EFR3B: variants seen among roughly 807,000 people sequenced by gnomAD.
The protein encoded by EFR3B is EFR3 homolog B, also known as protein EFR3 homolog B.
In EFR3B, 64 loss-of-function variants were observed where a neutral mutation model predicts 104.7. The ratio of observed to expected loss-of-function variants is 0.61; its 90% CI spans 0.50 to 0.75. EFR3B has a LOEUF of 0.75. Ranked by LOEUF, EFR3B falls within the 30% of genes least tolerant of loss-of-function variation. The pLI, the probability that EFR3B is intolerant of heterozygous loss-of-function variation, is 0.00. For missense variants in EFR3B, 750 were observed against 1,078.5 expected, an observed-to-expected ratio of 0.70 and a Z score of 4.27; for synonymous variants, 385 against 417.9, an observed-to-expected ratio of 0.92 and a Z score of 0.96.
At chr2:25,148,254 C>A (rs1670881968) in intron 19 of EFR3B, among the ~76,000 whole-genome samples, 1 of 149,634 alleles carries the variant, frequency 6.7e-6, no homozygotes, top group Non-Finnish European at 1.5e-5. Context: ...CCGGTCACTT[C>A]TTTTTTTAAA....
intron 1 of EFR3B, chr2:25,081,744 A>G: frequency 2.3e-6 from 1 of 442,930 alleles, no homozygotes; most frequent in Non-Finnish European, 4.0e-6. Flanking sequence ...GGCCCCTGGA[A>G]TTTTTTTAGA....
intron 4 of EFR3B, chr2:25,116,031 G>C (rs1479125384): frequency 6.6e-6 from 1 of 152,322 alleles, no homozygotes; most frequent in East Asian, 1.9e-4. Flanking sequence ...GTGTTTTCCT[G>C]ATCAAGTGGG....
chr2:25,081,145 A>G (rs555334055), intron 1 of EFR3B: 2 of 705,384 alleles, frequency 2.8e-6, no homozygotes, highest in South Asian at 3.1e-5. Context: ...GCTTGATTGC[A>G]TATTCCACCC....
At chr2:25,047,123 AATATT>A (rs1357934817) in intron 1 of EFR3B, among the ~76,000 whole-genome samples, 1 of 152,230 alleles carries the variant, frequency 6.6e-6, no homozygotes, top group African/African-American at 2.4e-5. Context: ...ATAAAAAGGT[AATATT>A]ATATTACAGA....
At chr2:25,091,565 A>G (rs954101588) in intron 2 of EFR3B, among the ~76,000 whole-genome samples, 164 bp downstream of exon 2, 1 of 152,146 alleles carries the variant, frequency 6.6e-6, no homozygotes, top group African/African-American at 2.4e-5. Flanking sequence ...GGCTACAGCC[A>G]TGGGCAGTGG....
intron 1 of EFR3B, among the ~76,000 whole-genome samples, chr2:25,088,531 G>A (rs1455624875): frequency 6.6e-6 from 1 of 152,242 alleles, no homozygotes; most frequent in East Asian, 1.9e-4. Context: ...TGGCATGGAT[G>A]GAAGGGCTCA....
chr2:25,063,640 G>T (rs977074755), intron 1 of EFR3B, among the ~76,000 whole-genome samples: 8 of 152,182 alleles, frequency 5.3e-5, no homozygotes, highest in Non-Finnish European at 7.3e-5. Context: ...TTGTTGGGAG[G>T]ATTAAGTAAA....
At chr2:25,053,239 C>T (rs1489166226) in intron 1 of EFR3B, among the ~76,000 whole-genome samples, 2 of 152,232 alleles carry the variant, frequency 1.3e-5, no homozygotes, top group African/African-American at 2.4e-5. Flanking sequence ...TCTCACTTCT[C>T]ACTCTTGGCA....
chr2:25,095,263 TATAAAG>T (rs1669245001), intron 3 of EFR3B, among the ~76,000 whole-genome samples: 1 of 152,234 alleles, frequency 6.6e-6, no homozygotes, highest in Admixed American at 6.5e-5. Context: ...AAATTGTGTT[TATAAAG>T]ATACTTTCCA....
At position 25,131,451 on chromosome 2, in the gene EFR3B, C is replaced by T. The variant is rs1182366070; in HGVS notation, c.933C>T (p.Gly311=). 1.9e-6 allele frequency: 3 copies of T among 1,550,684 alleles called. No individual in the cohort carries two copies. In the East Asian group the frequency reaches 7.3e-5, roughly 38 times the overall value. The stretch of plus-strand genomic sequence containing the variant: ...GCAGCGCTGCGACGGTGCGCGCGGG[C>T]ATCGTGGAAGTCTTGTCGGAAGCCG... The part of the protein sequence containing the change: ...NSRSAATVRA[G]IVEVLSEAAV... The change falls in exon 9 of 23, where the codon GGC becomes GGT. Residue 311 remains glycine, a synonymous_variant. Coordinates refer to ENST00000403714, the MANE Select transcript of EFR3B (RefSeq NM_014971.2). The surrounding 1 kb of genome is among the most constrained non-coding windows in gnomAD (Gnocchi z 7.6).
At chr2:25,146,513 G>C (rs1670820222) in intron 19 of EFR3B, 1 of 152,304 alleles carries the variant, frequency 6.6e-6, no homozygotes, top group Admixed American at 6.5e-5. Context: ...AATGCGTTAG[G>C]CATCGGGGTG....
chr2:25,143,374 G>T (rs1055369845), intron 17 of EFR3B, among the ~76,000 whole-genome samples: 2 of 150,458 alleles, frequency 1.3e-5, no homozygotes, highest in Non-Finnish European at 3.0e-5. Flanking sequence ...AATAAGAAAA[G>T]TTGGCCGGGC....
intron 1 of EFR3B, among the ~76,000 whole-genome samples, chr2:25,069,089 G>A (rs1668419659): frequency 6.6e-6 from 1 of 151,398 alleles, no homozygotes; most frequent in Non-Finnish European, 1.5e-5. Flanking sequence ...TGTATTTTTA[G>A]TAGAGATGGG....
At chr2:25,135,422 G>A in intron 12 of EFR3B, 45 bp from the exon 13 acceptor site, 1 of 1,546,152 alleles carries the variant, frequency 6.5e-7, no homozygotes, top group Non-Finnish European at 8.7e-7. Context: ...CTGCACCTGA[G>A]AGGGACAGCA....
At chr2:25,094,793 TA>T (rs1276581053) in intron 3 of EFR3B, among the ~76,000 whole-genome samples, 2 of 151,972 alleles carry the variant, frequency 1.3e-5, no homozygotes, top group African/African-American at 4.8e-5. Context: ...ACTTATTTAT[TA>T]TTATTATTTT....
At chr2:25,066,068 C>T (rs1321356468) in intron 1 of EFR3B, among the ~76,000 whole-genome samples, 2 of 152,160 alleles carry the variant, frequency 1.3e-5, no homozygotes, top group Non-Finnish European at 2.9e-5. Context: ...GACTTCCTTT[C>T]ATAACTCCTT....
At chr2:25,088,057 G>A (rs1209899393) in intron 1 of EFR3B, among the ~76,000 whole-genome samples, 1 of 151,208 alleles carries the variant, frequency 6.6e-6, no homozygotes, top group East Asian at 1.9e-4. Flanking sequence ...CACTAGAAGT[G>A]CACTGCCTTG....
rs373901233 is a variant in EFR3B at position 25,140,743 on chromosome 2, T to TA, written c.1855-617dup. Reference sequence around the variant, plus strand: ...CTACATTCCTTTGTACCTGTTTAAATAAAAAACACAGGAATGAGGCCAGGT... The same window carrying TA: ...CTACATTCCTTTGTACCTGTTTAAATAAAAAAACACAGGAATGAGGCCAGGT... On this transcript the variant is annotated intron_variant, in intron 16 of 22. Transcript: ENST00000403714. 3.1e-3 allele frequency among the ~76,000 whole-genome samples: 478 copies of TA among 152,156 alleles called. 4 individuals are homozygous for TA. Among genetic ancestry groups the TA allele is most frequent in the African/African-American group, 6.9e-3 (288 of 41,496 alleles).
chr2:25,146,949 T>C (rs1454164270), intron 19 of EFR3B: 3 of 152,326 alleles, frequency 2.0e-5, no homozygotes, highest in Admixed American at 1.3e-4. Context: ...CATTTCATTT[T>C]TCCCCACCTG....
Sources: gnomAD v4.1 joint callset for allele counts (sites outside exome capture counted in the v4.1 genomes callset) on GRCh38, gnomAD v4.1.1 for gene constraint, Gnocchi (gnomAD v3.1) non-coding constraint, MANE v1.5 for transcripts, NCBI Gene and HGNC (gene_info 2026-07-23, HGNC 2026-07-21) for gene names.